The following ZNRF3 variants were observed in gnomAD, a reference collection of about 807,000 sequenced individuals.
ZNRF3 encodes zinc and ring finger 3, also known as E3 ubiquitin-protein ligase ZNRF3.
ZNRF3 carries 23 observed loss-of-function variants against 72.5 expected under a neutral mutation model. The observed-to-expected ratio is 0.32, with a 90% CI of 0.23 to 0.45. The LOEUF is 0.45. Ranked by LOEUF, ZNRF3 falls within the 20% of genes least tolerant of loss-of-function variation. The probability of loss-of-function intolerance (pLI) is 1.00; values close to 1 mark genes in which losing one functional copy is unlikely to be tolerated. For missense variants in ZNRF3, 1,169 were observed against 1,272.1 expected (o/e 0.92, Z 1.23); for synonymous variants, 610 against 545.3 (o/e 1.12, Z -1.65).
At chr22:28,897,193 A>G (rs2034013624) in intron 1 of ZNRF3, among the ~76,000 whole-genome samples, 1 of 152,008 alleles carries the variant, frequency 6.6e-6, no homozygotes, top group South Asian at 2.1e-4. Flanking sequence ...CTTACTACTG[A>G]GCTGTGTGAA....
intron 1 of ZNRF3, among the ~76,000 whole-genome samples, chr22:28,936,280 G>A (rs932834282): frequency 6.6e-6 from 1 of 151,982 alleles, no homozygotes; most frequent in African/African-American, 2.4e-5. Context: ...ACTCAGCCAC[G>A]CCCCAGAGCC....
intron 1 of ZNRF3, among the ~76,000 whole-genome samples, chr22:28,914,626 C>T (rs901991057): frequency 6.6e-6 from 1 of 151,206 alleles, no homozygotes; most frequent in Non-Finnish European, 1.5e-5. Flanking sequence ...ACCAGCCTGA[C>T]CAACATGGTG....
chr22:28,973,155 C>T (rs1394224010), intron 1 of ZNRF3, among the ~76,000 whole-genome samples: 2 of 151,948 alleles, frequency 1.3e-5, no homozygotes, highest in Non-Finnish European at 2.9e-5. Flanking sequence ...ATTTTTTAAA[C>T]GTTTTGTAGA....
chr22:28,913,536 G>C (rs2034356109), intron 1 of ZNRF3, among the ~76,000 whole-genome samples: 1 of 152,164 alleles, frequency 6.6e-6, no homozygotes, highest in African/African-American at 2.4e-5. Flanking sequence ...AGGGCCCTGG[G>C]ATAGAGTCAT....
chr22:29,005,096 C>T (rs1163388867), intron 2 of ZNRF3, among the ~76,000 whole-genome samples: 1 of 152,178 alleles, frequency 6.6e-6, no homozygotes, highest in African/African-American at 2.4e-5. Flanking sequence ...GAACCCACTG[C>T]GCCTGTTTCC....
chr22:29,014,223 C>CATCACTGAT (rs1288550871), intron 2 of ZNRF3, among the ~76,000 whole-genome samples: 3 of 152,172 alleles, frequency 2.0e-5, no homozygotes, highest in African/African-American at 7.2e-5. Context: ...ACATGTTACT[C>CATCACTGAT]TAATTATCAC....
chr22:28,899,056 C>T lies in ZNRF3; in HGVS notation c.300+14990C>T, dbSNP rs529605454. Reference sequence around the variant, plus strand: ...TCACTTGTGCTAGAGGGTTTTCAGGCTGCCTTTTCATGGCATGTTCACTCC... The same window carrying T: ...TCACTTGTGCTAGAGGGTTTTCAGGTTGCCTTTTCATGGCATGTTCACTCC... On this transcript the variant is annotated intron_variant, in intron 1 of 8. Transcript: ENST00000544604. Among the ~76,000 whole-genome samples, 134 of 150,924 alleles carry T rather than the reference C, an allele frequency of 8.9e-4. 2 individuals carry two copies. The South Asian group carries it at 0.023, about 26-fold the overall frequency.
At chr22:28,892,108 CT>C (rs1297921202) in intron 1 of ZNRF3, among the ~76,000 whole-genome samples, 3 of 152,208 alleles carry the variant, frequency 2.0e-5, no homozygotes, top group African/African-American at 4.8e-5. Flanking sequence ...TGTTTGTGAC[CT>C]TTCTTACTTT....
intron 1 of ZNRF3, among the ~76,000 whole-genome samples, chr22:28,918,257 C>G (rs574733456): frequency 2.8e-4 from 42 of 152,306 alleles, no homozygotes; most frequent in Middle Eastern, 6.8e-3. Context: ...GTTTACACTC[C>G]TCCCTGGGCT....
At chr22:28,930,140 GC>G (rs1320271699) in intron 1 of ZNRF3, among the ~76,000 whole-genome samples, 1 of 151,466 alleles carries the variant, frequency 6.6e-6, no homozygotes, top group Non-Finnish European at 1.5e-5. Context: ...GCTCTCAGGT[GC>G]TTTTTTTTGG....
chr22:28,933,536 G>A (rs1009860379), intron 1 of ZNRF3, among the ~76,000 whole-genome samples: 1 of 152,096 alleles, frequency 6.6e-6, no homozygotes, highest in Non-Finnish European at 1.5e-5. Context: ...ACAATTACTT[G>A]GAACATTTTC....
intron 1 of ZNRF3, among the ~76,000 whole-genome samples, chr22:28,956,827 A>G (rs2035270870): frequency 6.6e-6 from 1 of 152,174 alleles, no homozygotes; most frequent in Admixed American, 6.5e-5. Flanking sequence ...AAACAGTCCC[A>G]GAGGGCTTTG....
intron 2 of ZNRF3, among the ~76,000 whole-genome samples, chr22:29,005,157 C>T (rs1352936081): frequency 1.3e-5 from 2 of 152,204 alleles, no homozygotes; most frequent in Non-Finnish European, 2.9e-5. Context: ...GAACCTTTCC[C>T]CTCCCAGCAC....
intron 1 of ZNRF3, among the ~76,000 whole-genome samples, chr22:28,930,535 C>T (rs1601571163): frequency 6.6e-6 from 1 of 152,208 alleles, no homozygotes; most frequent in African/African-American, 2.4e-5. Flanking sequence ...TTGGGACAAG[C>T]CCATCAGTAG....
Position 29,056,524 on chromosome 22 carries a change from T to A in ZNRF3, c.*2902T>A, listed in dbSNP as rs549103044. 1 of 152,310 alleles carries A rather than the reference T, an allele frequency of 6.6e-6. No individual in the cohort carries two copies. Among genetic ancestry groups the A allele is most frequent in the South Asian group, 2.1e-4 (1 of 4,826 alleles). The allele number at this position is 152,310 out of a possible 1,614,324, so 9.4% of individuals were successfully genotyped here. ...TCAAAAGAAATGTCCTCTTTGAAGTTGTAAGACTCCACCAATGACAGACAC... is the reference window on the plus strand; with the variant it reads ...TCAAAAGAAATGTCCTCTTTGAAGTAGTAAGACTCCACCAATGACAGACAC... On this transcript the variant is annotated 3_prime_UTR_variant, in exon 9 of 9. Coordinates refer to ENST00000544604, the MANE Select transcript of ZNRF3 (RefSeq NM_001206998.2).
chr22:28,908,338 C>T (rs531575973), intron 1 of ZNRF3, among the ~76,000 whole-genome samples: 1 of 152,258 alleles, frequency 6.6e-6, no homozygotes, highest in South Asian at 2.1e-4. Context: ...TTGGTGGCCT[C>T]CTTTTGTCCT....
chr22:28,892,287 G>A (rs1163787374), intron 1 of ZNRF3, among the ~76,000 whole-genome samples: 1 of 152,154 alleles, frequency 6.6e-6, no homozygotes, highest in Non-Finnish European at 1.5e-5. Flanking sequence ...GAGTGTAGGT[G>A]TCCAGACAGC....
At chr22:29,027,401 A>G (rs2036659376) in intron 2 of ZNRF3, among the ~76,000 whole-genome samples, 1 of 152,118 alleles carries the variant, frequency 6.6e-6, no homozygotes, top group African/African-American at 2.4e-5. Context: ...GGTGCCTGCC[A>G]CCATGCCCAG....
chr22:28,973,504 C>T (rs948261073), intron 1 of ZNRF3, among the ~76,000 whole-genome samples: 4 of 152,214 alleles, frequency 2.6e-5, no homozygotes, highest in Non-Finnish European at 5.9e-5. Flanking sequence ...CATGACTCTT[C>T]TAAGGTCACA....
Sources: gnomAD v4.1 joint callset for allele counts (sites outside exome capture counted in the v4.1 genomes callset) on GRCh38, gnomAD v4.1.1 for gene constraint, MANE v1.5 for transcripts, NCBI Gene and HGNC (gene_info 2026-07-23, HGNC 2026-07-21) for gene names.